PTPRT: variants seen among roughly 807,000 people sequenced by gnomAD.
The protein encoded by PTPRT is receptor-type tyrosine-protein phosphatase T.
In PTPRT, 56 loss-of-function variants were observed where a neutral mutation model predicts 176.8. The observed-to-expected ratio is 0.32, with a 90% CI of 0.26 to 0.40. PTPRT has a LOEUF of 0.40. PTPRT is among the 10% of genes least tolerant of loss of function. The probability of loss-of-function intolerance (pLI) is 1.00; values close to 1 mark genes in which losing one functional copy is unlikely to be tolerated. For synonymous variants in PTPRT, 783 were observed against 739.0 expected (o/e 1.06, Z -0.96); for missense variants, 1,540 against 1,908.2 (o/e 0.81, Z 3.60).
At chr20:42,970,373 C>T (rs981593502) in intron 1 of PTPRT, among the ~76,000 whole-genome samples, 10 of 152,144 alleles carry the variant, frequency 6.6e-5, no homozygotes, top group Non-Finnish European at 1.3e-4. Flanking sequence ...CAAACAAAGA[C>T]GACTATTAAT....
intron 7 of PTPRT, among the ~76,000 whole-genome samples, chr20:42,598,153 T>C (rs1466428470): frequency 1.3e-5 from 2 of 152,030 alleles, no homozygotes; most frequent in African/African-American, 4.8e-5. Flanking sequence ...ACACAAGTGA[T>C]CAAAAGGTAT....
chr20:42,585,550 T>C (rs1395960093), intron 7 of PTPRT, among the ~76,000 whole-genome samples: 2 of 152,184 alleles, frequency 1.3e-5, no homozygotes, highest in Non-Finnish European at 2.9e-5. Context: ...GTCATAATAG[T>C]TAACACTGTA....
At chr20:43,092,807 A>G (rs1039207091) in intron 1 of PTPRT, among the ~76,000 whole-genome samples, 1 of 152,234 alleles carries the variant, frequency 6.6e-6, no homozygotes, top group Admixed American at 6.5e-5. Context: ...GTTCACTGTA[A>G]TAGACATGAG....
chr20:42,057,969 A>G, the PTPRT span, among the ~76,000 whole-genome samples: 2 of 152,190 alleles, frequency 1.3e-5, no homozygotes, highest in Admixed American at 6.5e-5. Context: ...GTCATAGAAG[A>G]GATGCTAAGG....
intron 1 of PTPRT, among the ~76,000 whole-genome samples, chr20:43,035,298 T>C (rs2146203768): frequency 6.6e-6 from 1 of 152,286 alleles, no homozygotes; most frequent in South Asian, 2.1e-4. Flanking sequence ...TTGGATACTT[T>C]AGAGTGTCTG....
intron 7 of PTPRT, among the ~76,000 whole-genome samples, chr20:42,473,839 C>A (rs879250903): frequency 3.3e-5 from 5 of 152,220 alleles, no homozygotes; most frequent in Admixed American, 3.3e-4. Flanking sequence ...CCCAGAAATT[C>A]TTGTGTCAGA....
intron 1 of PTPRT, among the ~76,000 whole-genome samples, chr20:42,973,330 T>C (rs1039804873): frequency 3.3e-4 from 50 of 152,252 alleles, no homozygotes; most frequent in African/African-American, 1.2e-3. Flanking sequence ...TCCCCAAGTC[T>C]TCATGTGGCA....
intron 7 of PTPRT, among the ~76,000 whole-genome samples, chr20:42,542,933 T>C (rs2072609125): frequency 6.6e-6 from 1 of 152,224 alleles, no homozygotes; most frequent in Non-Finnish European, 1.5e-5. Context: ...AACAGAATTA[T>C]GTCTAAAATA....
intron 7 of PTPRT, among the ~76,000 whole-genome samples, chr20:42,633,959 TATAATATATTATA>T (rs2074492798): frequency 4.9e-5 from 1 of 20,288 alleles, no homozygotes; most frequent in Non-Finnish European, 7.8e-5. Context: ...TATAATTATA[TATAATATATTATA>T]ATATATTATA....
rs1204148607 is a variant in PTPRT, at chr20:42,817,369, T to TTG, written c.215-25904_215-25903insCA. Among the ~76,000 whole-genome samples the TTG allele has an allele frequency of 3.0e-3, 452 of 151,412 alleles. 5 individuals carry two copies. Among genetic ancestry groups the TTG allele is most frequent in the African/African-American group, 0.011 (441 of 41,392 alleles). On this transcript the variant is annotated intron_variant, in intron 2 of 30. Coordinates refer to ENST00000373187, the MANE Select transcript of PTPRT (RefSeq NM_007050.6). ...GACATCTTAATCATGTTTGGTTTTT[T>TTG]TTTTTTTTTTGGTTTAACAGATCTT...
chr20:42,713,650 G>C (rs2076179484), intron 6 of PTPRT, among the ~76,000 whole-genome samples: 1 of 152,180 alleles, frequency 6.6e-6, no homozygotes, highest in African/African-American at 2.4e-5. Context: ...GTGTGTCCCT[G>C]CCAGACTGCA....
chr20:42,434,210 T>G (rs1411823128), intron 9 of PTPRT, among the ~76,000 whole-genome samples: 1 of 152,220 alleles, frequency 6.6e-6, no homozygotes, highest in African/African-American at 2.4e-5. Flanking sequence ...ATTGTTATAT[T>G]GTCACTAACA....
chr20:42,773,226 C>T (rs897531601), intron 4 of PTPRT, among the ~76,000 whole-genome samples: 3 of 152,124 alleles, frequency 2.0e-5, no homozygotes, highest in Admixed American at 6.6e-5. Context: ...ATTTTGTCTA[C>T]CAATCTGTGT....
At chr20:42,085,886 C>T in intron 27 of PTPRT, 33 bp from the exon 28 acceptor site, 1 of 1,579,312 alleles carries the variant, frequency 6.3e-7, no homozygotes, top group Non-Finnish European at 8.7e-7. Context: ...AGAAGGAGCT[C>T]AAAGGCAGGG....
At chr20:42,044,988 T>A in the PTPRT span, among the ~76,000 whole-genome samples, 1 of 152,348 alleles carries the variant, frequency 6.6e-6, no homozygotes, top group South Asian at 2.1e-4. Flanking sequence ...CAGTGTCACC[T>A]GAGTCGTCCT....
intron 17 of PTPRT, among the ~76,000 whole-genome samples, chr20:42,160,903 G>A (rs1989567130): frequency 6.6e-6 from 1 of 152,098 alleles, no homozygotes; most frequent in Non-Finnish European, 1.5e-5. Flanking sequence ...TTGAGTATGA[G>A]ACAAGAGGTG....
intron 1 of PTPRT, among the ~76,000 whole-genome samples, chr20:42,904,327 C>T (rs770536601): frequency 8.5e-5 from 13 of 152,176 alleles, no homozygotes; most frequent in Non-Finnish European, 1.6e-4. Flanking sequence ...CACATAGTAA[C>T]TCGGGGCCTG....
chr20:42,996,831 G>A (rs1984248974), intron 1 of PTPRT, among the ~76,000 whole-genome samples: 1 of 152,126 alleles, frequency 6.6e-6, no homozygotes, highest in Non-Finnish European at 1.5e-5. Context: ...ATGTCTCAGC[G>A]TCACTATTTG....
chr20:42,532,892 C>T (rs1208006322), intron 7 of PTPRT, among the ~76,000 whole-genome samples: 2 of 152,132 alleles, frequency 1.3e-5, no homozygotes, highest in Non-Finnish European at 2.9e-5. Flanking sequence ...ACAGTCTACA[C>T]CCCCAATAAA....
Sources: gnomAD v4.1 joint callset for allele counts (sites outside exome capture counted in the v4.1 genomes callset) on GRCh38, gnomAD v4.1.1 for gene constraint, MANE v1.5 for transcripts, NCBI Gene and HGNC (gene_info 2026-07-23, HGNC 2026-07-21) for gene names.